Variants in TCOF1 observed in about 807,000 individuals in gnomAD.
TCOF1 encodes the protein treacle ribosome biogenesis factor 1.
TCOF1 carries 33 observed loss-of-function variants against 149.0 expected under a neutral mutation model. The observed-to-expected ratio is 0.22, with a 90% CI of 0.17 to 0.30. The LOEUF is 0.30. Ranked by LOEUF, TCOF1 falls within the 10% of genes least tolerant of loss-of-function variation. The probability of loss-of-function intolerance (pLI) is 1.00; values close to 1 mark genes in which losing one functional copy is unlikely to be tolerated. For synonymous variants in TCOF1, 789 were observed against 738.8 expected (o/e 1.07, Z -1.10); for missense variants, 1,728 against 1,840.7 (o/e 0.94, Z 1.12).
intron 4 of TCOF1, 47 bp downstream of exon 4, chr5:150,367,964 C>T: frequency 6.3e-7 from 1 of 1,599,414 alleles, no homozygotes; most frequent in South Asian, 1.1e-5. Context: ...ATTTAAGGTG[C>T]CTGGTAGGGG....
intron 17 of TCOF1, chr5:150,384,158 G>C (rs1581168303): frequency 9.5e-7 from 1 of 1,051,634 alleles, no homozygotes; most frequent in East Asian, 7.6e-5. Context: ...CATCAGTAAG[G>C]TCAGATGCTG....
chr5:150,385,826 C>A (rs1023215520), intron 17 of TCOF1, among the ~76,000 whole-genome samples: 8 of 152,248 alleles, frequency 5.3e-5, no homozygotes, highest in African/African-American at 1.9e-4. Flanking sequence ...GAGGTACAAC[C>A]AAATGTTCAG....
chr5:150,383,952 G>A, intron 17 of TCOF1: 1 of 1,450,212 alleles, frequency 6.9e-7, no homozygotes. Context: ...TGTGAACCCT[G>A]GCCCTTCCAT....
chr5:150,394,107 G>C (rs894548302), intron 23 of TCOF1: 2 of 164,362 alleles, frequency 1.2e-5, no homozygotes, highest in East Asian at 1.8e-4. Flanking sequence ...GGGTGGTGCT[G>C]ATGCACCTGG....
chr5:150,396,478 A>T lies in TCOF1; in HGVS notation c.3981A>T (p.Glu1327Asp). 2 of 1,613,954 alleles carry T rather than the reference A, an allele frequency of 1.2e-6. No homozygotes were observed. Among genetic ancestry groups the T allele is most frequent in the Non-Finnish European group, 1.7e-6 (2 of 1,179,984 alleles). ...TCCTGACTGAGCTGCTGGAACAGGAAAGAAAGAAGGTGGTGGACACCACCA... is the reference window on the plus strand; with the variant it reads ...TCCTGACTGAGCTGCTGGAACAGGATAGAAAGAAGGTGGTGGACACCACCA... ...VKVLTELLEQERKKVVDTTKE... is the reference protein window; with the variant it reads ...VKVLTELLEQDRKKVVDTTKE... Residue 1327 changes from glutamate to aspartate, a missense_variant, in exon 24 of 27, where the codon GAA (glutamate) becomes GAT (aspartate). Glu to Asp is a conservative substitution (Grantham distance 45). Transcript: ENST00000643257.
Position 150,375,359 on chromosome 5 carries a change from C to T in TCOF1, c.1509C>T (p.Ser503=). The T allele has an allele frequency of 6.2e-7, 1 of 1,611,808 alleles. No individual in the cohort carries two copies. Among genetic ancestry groups the T allele is most frequent in the Non-Finnish European group, 8.5e-7 (1 of 1,179,492 alleles). The change falls in exon 11 of 27, where the codon AGC becomes AGT. Residue 503 remains serine, a synonymous_variant. Coordinates refer to ENST00000643257, the MANE Select transcript of TCOF1 (RefSeq NM_001371623.1). ...CCCAGGTGAAGCCCTTGGGGAAAAG[C>T]CCCCAGGTGAAACCTGCCTCTACCA... is the stretch of plus-strand genomic sequence containing the variant. ...NAAQVKPLGK[S]PQVKPASTMG... is the part of the protein sequence containing the mutation.
intron 1 of TCOF1, among the ~76,000 whole-genome samples, chr5:150,359,204 A>G (rs2150368411): frequency 1.3e-5 from 2 of 151,964 alleles, no homozygotes; most frequent in African/African-American, 4.8e-5. Context: ...AAAATTAGCC[A>G]TGCATGGTGG....
chr5:150,393,230 T>C, intron 22 of TCOF1, 142 bp from the exon 23 acceptor site: 1 of 969,368 alleles, frequency 1.0e-6, no homozygotes, highest in Non-Finnish European at 1.6e-6. Flanking sequence ...CTCTGTGCCT[T>C]GTTGTCCACC....
chr5:150,358,973 A>G (rs1162690652), intron 1 of TCOF1, among the ~76,000 whole-genome samples: 3 of 150,894 alleles, frequency 2.0e-5, no homozygotes, highest in African/African-American at 7.3e-5. Flanking sequence ...ATTTGAGGAT[A>G]CAGTATGAGC....
In TCOF1 at chr5:150,400,285, G is replaced by C. The variant is rs1465661516; in HGVS notation, c.*498G>C. The C allele has an allele frequency of 6.6e-6, 1 of 151,902 alleles. No homozygotes were observed. Among genetic ancestry groups the C allele is most frequent in the Non-Finnish European group, 1.5e-5 (1 of 67,944 alleles). The allele number at this position is 151,902 out of a possible 1,614,324, so 9.4% of individuals were successfully genotyped here. A position where few individuals can be genotyped will look rare whatever the true frequency, so the allele number is the denominator to read the frequency against. On this transcript the variant is annotated 3_prime_UTR_variant, in exon 27 of 27. Transcript: ENST00000643257. The stretch of plus-strand genomic sequence containing the variant: ...TCAAAAAAAAAATAAAAGACTTGGA[G>C]GAAGGGTGCAAGCTCCCAGTGCATC...
intron 25 of TCOF1, among the ~76,000 whole-genome samples, chr5:150,398,699 A>G (rs1205932370): frequency 2.0e-5 from 3 of 152,208 alleles, no homozygotes; most frequent in African/African-American, 7.2e-5. Context: ...GCACAGGGAA[A>G]CCAGGTAGAC....
chr5:150,394,487 T>C (rs540837266), intron 23 of TCOF1: 1 of 152,372 alleles, frequency 6.6e-6, no homozygotes, highest in East Asian at 1.9e-4. Flanking sequence ...GACTGGATTA[T>C]TCAATTCACC....
intron 9 of TCOF1, 56 bp from the exon 10 acceptor site, chr5:150,374,898 C>G (rs937754480): frequency 1.9e-6 from 3 of 1,609,710 alleles, no homozygotes; most frequent in Middle Eastern, 3.3e-4. Context: ...ACATCCAGCT[C>G]CTGTCTCCAC....
At position 150,374,305 on chromosome 5, in the gene TCOF1, G is replaced by A. The variant is rs776984195; in HGVS notation, c.1002G>A (p.Lys334=). Reference sequence around the variant, plus strand: ...TAGCCTCCCAGACCAAGGCAGGGAAGCCAGAGGAGGACTCAGAGAGCAGCA... The same window carrying A: ...TAGCCTCCCAGACCAAGGCAGGGAAACCAGAGGAGGACTCAGAGAGCAGCA... ...GAVASQTKAG[K]PEEDSESSSE... is the part of the protein sequence containing the mutation. The change falls in exon 8 of 27, where the codon AAG becomes AAA. Residue 334 remains lysine (K), a synonymous_variant. Coordinates refer to ENST00000643257, the MANE Select transcript of TCOF1 (RefSeq NM_001371623.1). The A allele has an allele frequency of 6.3e-7, 1 of 1,587,138 alleles. No homozygotes were observed. The highest frequency in any genetic ancestry group is 1.1e-5 in the South Asian group (1 of 88,034).
At chr5:150,369,628 T>C (rs1294217723) in intron 6 of TCOF1, 26 bp downstream of exon 6, 1 of 1,613,226 alleles carries the variant, frequency 6.2e-7, no homozygotes, top group Non-Finnish European at 8.5e-7. Flanking sequence ...CCCTAGGAGT[T>C]GCCCTCTCCC....
intron 21 of TCOF1, 77 bp from the exon 22 acceptor site, chr5:150,392,628 G>C: frequency 1.4e-6 from 2 of 1,457,732 alleles, no homozygotes; most frequent in Admixed American, 1.7e-5. Flanking sequence ...AGAGACCAGG[G>C]CCTTCCTGAA....
At position 150,368,912 on chromosome 5, in the gene TCOF1, C is replaced by T. The variant is rs747081814; in HGVS notation, c.565+10C>T. 1 of 1,613,348 alleles carries T rather than the reference C, an allele frequency of 6.2e-7. No individual in the cohort carries two copies. Among genetic ancestry groups the T allele is most frequent in the Admixed American group, 1.7e-5 (1 of 60,012 alleles). ...GCTGCTGCCAAGCCTGGTAAGAAGT[C>T]CCCACCTCTAGGAACCTAGTCCCCA... On this transcript the variant is annotated intron_variant, in intron 5 of 26. Coordinates refer to ENST00000643257, the MANE Select transcript of TCOF1 (RefSeq NM_001371623.1).
intron 23 of TCOF1, among the ~76,000 whole-genome samples, chr5:150,395,308 A>G (rs796928198): frequency 2.6e-4 from 40 of 152,208 alleles, no homozygotes; most frequent in African/African-American, 9.2e-4. Flanking sequence ...CCACCAAGCC[A>G]CCTTTCAGAG....
In TCOF1 at chr5:150,368,867, G is replaced by A; in HGVS notation, c.530G>A (p.Gly177Asp). Residue 177 changes from glycine (G) to aspartate (D), a missense_variant, in exon 5 of 27, where the codon GGC becomes GAC. This residue lies in a region of TCOF1 where 1,696 missense variants were observed against 1,765.4 expected (regional missense o/e 0.96). Coordinates refer to ENST00000643257, the MANE Select transcript of TCOF1 (RefSeq NM_001371623.1). ...TTGGTCTCAGAAACTGAGGAGGAGGGCAGCGTCCCGGCCTTTGGAGCTGCT... is the reference window on the plus strand; with the variant it reads ...TTGGTCTCAGAAACTGAGGAGGAGGACAGCGTCCCGGCCTTTGGAGCTGCT... Reference protein sequence around the residue: ...TTLVSETEEEGSVPAFGAAAK... With the variant: ...TTLVSETEEEDSVPAFGAAAK... 6.2e-7 allele frequency: 1 copy of A among 1,613,878 alleles called. No homozygotes were observed.
Sources: allele counts gnomAD v4.1 joint callset (sites outside exome capture counted in the v4.1 genomes callset), GRCh38; gene constraint gnomAD v4.1.1; regional missense constraint gnomAD v4.1.1; transcripts MANE v1.5; gene names NCBI Gene and HGNC (gene_info 2026-07-23, HGNC 2026-07-21).